The following ROPN1 variants were observed in gnomAD, a reference collection of about 807,000 sequenced individuals.
The protein encoded by ROPN1 is ropporin-1A.
ROPN1 carries 14 observed loss-of-function variants against 20.5 expected under a neutral mutation model. The observed-to-expected ratio is 0.68, with a 90% CI of 0.45 to 1.07. The LOEUF (loss-of-function observed/expected upper bound fraction) is 1.07, where lower values mean the gene tolerates loss of function less well. Among genes scored for constraint, ROPN1 ranks in the 50% least tolerant of loss-of-function variants. The pLI is 0.00. For missense variants in ROPN1, 169 were observed against 242.8 expected (o/e 0.70, Z 2.02); for synonymous variants, 76 against 95.7 (o/e 0.79, Z 1.20).
chr3:123,977,683 GAGAGA>G (rs1009973832), intron 2 of ROPN1, among the ~76,000 whole-genome samples: 1 of 152,240 alleles, frequency 6.6e-6, no homozygotes, highest in Non-Finnish European at 1.5e-5. Flanking sequence ...CAAGGCTCAG[GAGAGA>G]AGAGAAGCCG....
intron 4 of ROPN1, among the ~76,000 whole-genome samples, chr3:123,971,166 T>G (rs1212268998): frequency 1.3e-5 from 2 of 152,158 alleles, no homozygotes; most frequent in Non-Finnish European, 2.9e-5. Flanking sequence ...AGACTTGTCC[T>G]GCCTTAGCAG....
chr3:123,969,507 A>G (rs1407667965), intron 5 of ROPN1, among the ~76,000 whole-genome samples: 3 of 152,188 alleles, frequency 2.0e-5, no homozygotes, highest in Admixed American at 2.0e-4. Flanking sequence ...TTTTTAGTAA[A>G]GACAGGGTTT....
intron 1 of ROPN1, among the ~76,000 whole-genome samples, chr3:123,989,462 C>G (rs182212856): frequency 1.3e-5 from 2 of 152,276 alleles, no homozygotes; most frequent in Non-Finnish European, 2.9e-5. Flanking sequence ...TGTCAGCTGT[C>G]ATAAGGATAT....
At chr3:123,973,163 C>G (rs2037947462) in intron 4 of ROPN1, among the ~76,000 whole-genome samples, 1 of 152,182 alleles carries the variant, frequency 6.6e-6, no homozygotes, top group African/African-American at 2.4e-5. Flanking sequence ...AGAACACAAA[C>G]ATTCACACCG....
chr3:123,989,646 C>T (rs1482434079), intron 1 of ROPN1, among the ~76,000 whole-genome samples: 1 of 152,166 alleles, frequency 6.6e-6, no homozygotes, highest in Non-Finnish European at 1.5e-5. Context: ...TTTTGAGTGC[C>T]CAACTGCTGG....
At chr3:123,984,479 C>T (rs1332777985) in intron 1 of ROPN1, among the ~76,000 whole-genome samples, 1 of 152,168 alleles carries the variant, frequency 6.6e-6, no homozygotes, top group Non-Finnish European at 1.5e-5. Flanking sequence ...ATTTCTACTC[C>T]TGTGTCTCTG....
At position 123,974,944 on chromosome 3, in the gene ROPN1, G is replaced by A. The variant is rs139644103; in HGVS notation, c.396+435C>T. The A allele has an allele frequency of 1.8e-3, 344 of 193,858 alleles. 9 individuals carry two copies. The East Asian group carries it at 0.039, about 22-fold the overall frequency. 12.0% of individuals were successfully genotyped at this position (193,858 alleles called of 1,614,324 possible). A position where few individuals can be genotyped will look rare whatever the true frequency, so the allele number is the denominator to read the frequency against. ...TTTTTTTTTGCTTTCTTATGTCTGAGTTCTGCATCCAATTCTGTTTATTAC... is the reference window on the plus strand; with the variant it reads ...TTTTTTTTTGCTTTCTTATGTCTGAATTCTGCATCCAATTCTGTTTATTAC... On this transcript the variant is annotated intron_variant, in intron 4 of 5. Transcript: ENST00000405845.
chr3:123,971,507 G>A (rs1403991158), intron 4 of ROPN1, among the ~76,000 whole-genome samples: 1 of 152,104 alleles, frequency 6.6e-6, no homozygotes. Context: ...CCTCTCCTCT[G>A]CCCCTGGGGG....
At chr3:123,988,650 A>G (rs1352074809) in intron 1 of ROPN1, among the ~76,000 whole-genome samples, 1 of 151,990 alleles carries the variant, frequency 6.6e-6, no homozygotes. Context: ...GTGAAGAAGC[A>G]CTCTTGACTG....
At position 123,970,202 on chromosome 3, in the gene ROPN1, G is replaced by A; in HGVS notation, c.412C>T (p.Leu138Phe). 3 of 1,613,784 alleles carry A rather than the reference G, an allele frequency of 1.9e-6. No individual in the cohort carries two copies. Among genetic ancestry groups the A allele is most frequent in the Non-Finnish European group, 2.5e-6 (3 of 1,179,746 alleles). ...GATAAGACCTCACACACTATCTTGA[G>A]AGTTTTGGTAATAGTCTATAAAAGT... The part of the protein sequence containing the change: ...SALGVTITKT[L>F]KIVCEVLSCD... Residue 138 changes from leucine (L) to phenylalanine (F), a missense_variant, in exon 5 of 6, where the codon CTC becomes TTC. Around this residue, in one of 3 missense-constraint regions of ROPN1, gnomAD observed 82 missense variants for 100.1 expected, o/e 0.82. Transcript: ENST00000405845.
At position 123,970,164 on chromosome 3, in the gene ROPN1, A is replaced by G. The variant is rs2037887611; in HGVS notation, c.450T>C (p.Asn150=). Residue 150 remains asparagine (N), a synonymous_variant, in exon 5 of 6, where the codon AAT becomes AAC. Coordinates refer to ENST00000405845, the MANE Select transcript of ROPN1 (RefSeq NM_001317774.2). ...IVCEVLSCDH[N]GGSPRIPFST... is the part of the protein sequence containing the mutation. The stretch of plus-strand genomic sequence containing the variant: ...TGAACGGGATCCGGGGCGACCCACC[A>G]TTATGGTCACATGATAAGACCTCAC... The G allele has an allele frequency of 1.2e-6, 2 of 1,614,110 alleles. No individual in the cohort carries two copies. Among genetic ancestry groups the G allele is most frequent in the South Asian group, 2.2e-5 (2 of 91,076 alleles).
rs750791530 is a variant in ROPN1, at chr3:123,976,857, C to T, written c.234+7G>A. On this transcript the variant is annotated splice_region_variant and intron_variant, in intron 3 of 5. Transcript: ENST00000405845. ...CATTCTCCTCAATGCTGCAGCAGGGCCCTTACCTGAGAATGCAGGATCTTT... is the reference window on the plus strand; with the variant it reads ...CATTCTCCTCAATGCTGCAGCAGGGTCCTTACCTGAGAATGCAGGATCTTT... 1 of 1,612,104 alleles carries T rather than the reference C, an allele frequency of 6.2e-7. No homozygotes were observed. Among genetic ancestry groups the T allele is most frequent in the East Asian group, 2.2e-5 (1 of 44,868 alleles).
chr3:123,969,118 C>T lies in ROPN1; in HGVS notation c.*37G>A, dbSNP rs1199553183. On this transcript the variant is annotated 3_prime_UTR_variant, in exon 6 of 6. Transcript: ENST00000405845. ...TTCAGTCATTCTGAAGTACAATCAT[C>T]TCTGTATCTTCCTTTAAAATTGCCA... 2 of 1,546,560 alleles carry T rather than the reference C, an allele frequency of 1.3e-6. No individual in the cohort carries two copies. The highest frequency in any genetic ancestry group is 2.2e-5 in the East Asian group (1 of 44,522).
At chr3:123,969,664 T>C (rs1037909037) in intron 5 of ROPN1, among the ~76,000 whole-genome samples, 1 of 152,176 alleles carries the variant, frequency 6.6e-6, no homozygotes, top group Non-Finnish European at 1.5e-5. Flanking sequence ...TCCACTTCTG[T>C]TCCACTGGTC....
rs191886492 is a variant in ROPN1, at chr3:123,985,790, G to A, written c.-12-5297C>T. ...AACACTTTGGGAGGCTGAGGTGGGC[G>A]GATCACTTGAGCTCAGTTCAAGACC... On this transcript the variant is annotated intron_variant, in intron 1 of 5. Transcript: ENST00000405845. Among the ~76,000 whole-genome samples, 22 of 151,774 alleles carry A rather than the reference G, an allele frequency of 1.4e-4. No homozygotes were observed. In the East Asian group the frequency reaches 1.7e-3, roughly 12 times the overall value.
chr3:123,972,971 G>A (rs1306396413), intron 4 of ROPN1, among the ~76,000 whole-genome samples: 1 of 152,138 alleles, frequency 6.6e-6, no homozygotes, highest in African/African-American at 2.4e-5. Flanking sequence ...TTGCTCTCTG[G>A]TGAGGGCCTG....
At position 123,969,262 on chromosome 3, in the gene ROPN1, GTTAATC is replaced by G. The variant is rs2037865569; in HGVS notation, c.573-47_573-42del. 15 of 1,456,360 alleles carry G rather than the reference GTTAATC, an allele frequency of 1.0e-5. 1 individual carries two copies. Among genetic ancestry groups the G allele is most frequent in the Middle Eastern group, 3.5e-4 (2 of 5,768 alleles). The allele number at this position is 1,456,360 out of a possible 1,614,324, so 90.2% of individuals were successfully genotyped here. A position where few individuals can be genotyped will look rare whatever the true frequency, so the allele number is the denominator to read the frequency against. ...TATATCTGCAGTTAGTTCATTGACA[GTTAATC>G]TTAAGAAAGACAATATGCAAACAAC... is the stretch of plus-strand genomic sequence containing the variant. On this transcript the variant is annotated intron_variant, in intron 5 of 5. Transcript: ENST00000405845.
At chr3:123,976,305 C>T (rs142938320) in intron 3 of ROPN1, among the ~76,000 whole-genome samples, 2 of 152,174 alleles carry the variant, frequency 1.3e-5, no homozygotes, top group East Asian at 1.9e-4. Context: ...CTGTCCTGGA[C>T]CATAAAGCAG....
intron 2 of ROPN1, chr3:123,979,789 A>G: frequency 2.9e-6 from 1 of 349,660 alleles, no homozygotes; most frequent in South Asian, 2.2e-5. Context: ...GAAACACTAA[A>G]GAAAATAACA....
Sources: gnomAD v4.1 joint callset for allele counts (sites outside exome capture counted in the v4.1 genomes callset) on GRCh38, gnomAD v4.1.1 for gene constraint, gnomAD v4.1.1 regional missense constraint, MANE v1.5 for transcripts, NCBI Gene and HGNC (gene_info 2026-07-23, HGNC 2026-07-21) for gene names.